Variants in SNX6 observed in about 807,000 individuals in gnomAD.
SNX6 encodes the protein sorting nexin 6, also known as sorting nexin-6.
Under a neutral mutation model 63.0 loss-of-function variants are expected in SNX6, and 34 were observed. The observed-to-expected ratio is 0.54, with a 90% confidence interval of 0.41 to 0.72. The LOEUF is 0.72. Ranked by LOEUF, SNX6 falls within the 30% of genes least tolerant of loss-of-function variation. The pLI is 0.00. For missense variants in SNX6, 398 were observed against 471.4 expected, an observed-to-expected ratio of 0.84 and a Z score of 1.44; for synonymous variants, 170 against 164.2, an observed-to-expected ratio of 1.04 and a Z score of -0.27.
At chr14:34,611,496 G>C (rs567810922) in intron 2 of SNX6, among the ~76,000 whole-genome samples, 1 of 151,324 alleles carries the variant, frequency 6.6e-6, no homozygotes, top group Admixed American at 6.6e-5. Flanking sequence ...AAAAAAAAGG[G>C]GGGGAGGCCG....
Position 34,590,504 on chromosome 14 carries a change from G to A in SNX6, c.718+2541C>T, listed in dbSNP as rs1241401852. 2.6e-5 allele frequency among the ~76,000 whole-genome samples: 4 copies of A among 151,672 alleles called. No individual in the cohort carries two copies. The Admixed American group carries it at 2.6e-4, about 10-fold the overall frequency. On this transcript the variant is annotated intron_variant, in intron 8 of 13. Transcript: ENST00000362031. ...GATGTTGAACCTCAACAGTCATTAGGACAATACAAATCTAAACCACACTGA... is the reference window on the plus strand; with the variant it reads ...GATGTTGAACCTCAACAGTCATTAGAACAATACAAATCTAAACCACACTGA...
At chr14:34,568,857 G>T in intron 11 of SNX6, 3 of 1,084,138 alleles carry the variant, frequency 2.8e-6, no homozygotes, top group Non-Finnish European at 2.8e-6. Context: ...GGCTAAAGTG[G>T]CCAGGCATGC....
At chr14:34,621,951 CTTTTTTT>C (rs1037764907) in intron 2 of SNX6, among the ~76,000 whole-genome samples, 11 of 77,418 alleles carry the variant, frequency 1.4e-4, no homozygotes, top group East Asian at 3.6e-4. Context: ...CATGTCTTTC[CTTTTTTT>C]TTTTTTTTTT....
chr14:34,576,219 C>G (rs1881695326), intron 10 of SNX6, among the ~76,000 whole-genome samples: 1 of 151,854 alleles, frequency 6.6e-6, no homozygotes, highest in African/African-American at 2.4e-5. Context: ...GCCACCGCGC[C>G]CGGCCTCGTT....
intron 8 of SNX6, among the ~76,000 whole-genome samples, chr14:34,591,091 G>A (rs1882373677): frequency 1.3e-5 from 2 of 151,988 alleles, no homozygotes; most frequent in African/African-American, 2.4e-5. Context: ...GATTTCAAAG[G>A]GCCACAAGAA....
rs1762071916 is a variant in SNX6 at position 34,562,398 on chromosome 14, C to T, written c.*724G>A. The stretch of plus-strand genomic sequence containing the variant: ...GAGAAAAAAGAAAAACTAAGACCTG[C>T]ACTGTAAAGCATAATACAGGAGTAG... On this transcript the variant is annotated 3_prime_UTR_variant, in exon 14 of 14. Transcript: ENST00000362031. The T allele has an allele frequency of 6.6e-6, 1 of 152,542 alleles. No individual in the cohort carries two copies. The highest frequency in any genetic ancestry group is 6.5e-5 in the Admixed American group (1 of 15,274). 9.4% of individuals were successfully genotyped at this position (152,542 alleles called of 1,614,324 possible). A position where few individuals can be genotyped will look rare whatever the true frequency, so the allele number is the denominator to read the frequency against.
Position 34,600,388 on chromosome 14 carries a change from G to C in SNX6, c.517-2743C>G, listed in dbSNP as rs141377563. The stretch of plus-strand genomic sequence containing the variant: ...TGAATACCTTGCCTTGGCCTCCCAA[G>C]TGTTGGGATTACAGGAATGAGCCAC... On this transcript the variant is annotated intron_variant, in intron 6 of 13. Transcript: ENST00000362031. Among the ~76,000 whole-genome samples, 502 of 151,282 alleles carry C rather than the reference G, an allele frequency of 3.3e-3. 3 individuals are homozygous for C. Among genetic ancestry groups the C allele is most frequent in the African/African-American group, 0.012 (489 of 41,252 alleles).
chr14:34,568,935 C>T (rs1566463472), intron 11 of SNX6: 1 of 1,328,604 alleles, frequency 7.5e-7, no homozygotes, highest in Non-Finnish European at 1.1e-6. Flanking sequence ...CCCAGAGGTA[C>T]AGGTGCCACG....
At chr14:34,578,809 T>C (rs1881814552) in intron 10 of SNX6, among the ~76,000 whole-genome samples, 1 of 149,748 alleles carries the variant, frequency 6.7e-6, no homozygotes, top group East Asian at 2.0e-4. Context: ...CATGGAGGCG[T>C]GCACCTGTAG....
chr14:34,593,952 G>A (rs566211640), intron 7 of SNX6, among the ~76,000 whole-genome samples: 1 of 151,988 alleles, frequency 6.6e-6, no homozygotes, highest in Admixed American at 6.6e-5. Flanking sequence ...CTGACCTCAA[G>A]TGATCCGCGC....
At chr14:34,580,394 C>G (rs1308002788) in intron 10 of SNX6, among the ~76,000 whole-genome samples, 1 of 152,036 alleles carries the variant, frequency 6.6e-6, no homozygotes, top group Non-Finnish European at 1.5e-5. Flanking sequence ...CCTTGACCTC[C>G]TGGGCTCAAG....
chr14:34,603,038 G>A (rs560609524), intron 6 of SNX6, among the ~76,000 whole-genome samples: 1 of 151,336 alleles, frequency 6.6e-6, no homozygotes, highest in South Asian at 2.1e-4. Flanking sequence ...AGCACTTTGG[G>A]AGGCCGAGGT....
chr14:34,576,448 ATATATTT>A (rs1478479302), intron 10 of SNX6, among the ~76,000 whole-genome samples: 29 of 96,082 alleles, frequency 3.0e-4, no homozygotes, highest in East Asian at 5.0e-4. Context: ...ATATATATAT[ATATATTT>A]TTTTTTTTTT....
intron 2 of SNX6, among the ~76,000 whole-genome samples, chr14:34,615,176 A>C (rs1390759595): frequency 1.3e-5 from 2 of 151,810 alleles, no homozygotes; most frequent in Non-Finnish European, 2.9e-5. Flanking sequence ...ACTTTTATCT[A>C]TATAAAATAT....
intron 2 of SNX6, chr14:34,629,483 G>GGTGGGC: frequency 2.1e-6 from 1 of 478,872 alleles, no homozygotes; most frequent in South Asian, 1.5e-5. Context: ...GAGACAGAAG[G>GGTGGGC]GTGGGCGGGA....
Position 34,605,631 on chromosome 14 carries a change from C to A in SNX6, c.357G>T (p.Lys119Asn). ...CCTGTTTCATCTTTGTGAATTCTTC[C>A]TTCGTCATTGACCCTTCTCCTTCAC... ...KLGEGEGSMT[K>N]EEFTKMKQEL... Residue 119 changes from lysine (K) to asparagine (N), a missense_variant, in exon 5 of 14, where the codon AAG becomes AAT. Transcript: ENST00000362031. The A allele has an allele frequency of 6.2e-7, 1 of 1,603,168 alleles. No individual in the cohort carries two copies. The highest frequency in any genetic ancestry group is 1.1e-5 in the South Asian group (1 of 88,352).
chr14:34,568,990 G>C, intron 11 of SNX6: 1 of 1,456,804 alleles, frequency 6.9e-7, no homozygotes. Context: ...ATCGTAGGGA[G>C]CAAGCTCTTT....
chr14:34,582,384 G>A (rs566579150), intron 9 of SNX6, among the ~76,000 whole-genome samples: 35 of 151,962 alleles, frequency 2.3e-4, no homozygotes, highest in African/African-American at 8.0e-4. Flanking sequence ...CCAGCTATTC[G>A]GGAGGCTAAG....
chr14:34,597,390 G>C (rs1256922555), intron 7 of SNX6, among the ~76,000 whole-genome samples, 160 bp downstream of exon 7: 1 of 152,204 alleles, frequency 6.6e-6, no homozygotes, highest in East Asian at 1.9e-4. Context: ...ACGCTCTAAA[G>C]AGAGGAATCT....
Sources: gnomAD v4.1 joint callset for allele counts (sites outside exome capture counted in the v4.1 genomes callset) on GRCh38, gnomAD v4.1.1 for gene constraint, MANE v1.5 for transcripts, NCBI Gene and HGNC (gene_info 2026-07-23, HGNC 2026-07-21) for gene names.